The following TEX26 variants were observed in gnomAD, a reference collection of about 807,000 sequenced individuals.
The protein encoded by TEX26 is testis-expressed protein 26.
In TEX26, 34 loss-of-function variants were observed where a neutral mutation model predicts 35.3. The observed-to-expected ratio is 0.96, with a 90% confidence interval of 0.73 to 1.28. The LOEUF is 1.28. Among genes scored for constraint, TEX26 ranks in the 50% most tolerant of loss-of-function variants. The pLI is 0.00. For missense variants in TEX26, 371 were observed against 330.1 expected, an observed-to-expected ratio of 1.12 and a Z score of -0.96; for synonymous variants, 136 against 111.8, an observed-to-expected ratio of 1.22 and a Z score of -1.36.
intron 5 of TEX26, among the ~76,000 whole-genome samples, chr13:30,967,356 G>A (rs1474593358): frequency 1.3e-5 from 2 of 152,092 alleles, no homozygotes; most frequent in Non-Finnish European, 2.9e-5. Context: ...CCTTGCCAAG[G>A]GGTGACAGTG....
rs34650841 is a variant in TEX26 at position 30,952,648 on chromosome 13, GT to G, written c.147-5del. 11 of 1,560,410 alleles carry G rather than the reference GT, an allele frequency of 7.0e-6. No homozygotes were observed. The Admixed American group carries it at 8.2e-5, about 12-fold the overall frequency. Reference sequence around the variant, plus strand: ...AACCTCTAACTCTAATTTCTGCTGGGTTTTTTTATAGCCAAAACGGTATCAG... The same window carrying G: ...AACCTCTAACTCTAATTTCTGCTGGGTTTTTTATAGCCAAAACGGTATCAG... On this transcript the variant is annotated splice_polypyrimidine_tract_variant and intron_variant, in intron 2 of 6. Transcript: ENST00000380473.
At chr13:30,955,177 A>C (rs1192106090) in intron 3 of TEX26, among the ~76,000 whole-genome samples, 1 of 152,218 alleles carries the variant, frequency 6.6e-6, no homozygotes, top group African/African-American at 2.4e-5. Context: ...ATGAGCTTTA[A>C]AAAATGAAAT....
At chr13:30,971,327 A>G (rs1421460162) in intron 6 of TEX26, among the ~76,000 whole-genome samples, 1 of 152,214 alleles carries the variant, frequency 6.6e-6, no homozygotes, top group Non-Finnish European at 1.5e-5. Context: ...GTTAGGCAGA[A>G]TTATTATCAA....
intron 4 of TEX26, among the ~76,000 whole-genome samples, chr13:30,964,392 T>C (rs989172180): frequency 4.6e-5 from 7 of 152,210 alleles, no homozygotes; most frequent in African/African-American, 1.7e-4. Context: ...CCCTACCTGT[T>C]TGTTCTGTAG....
intron 4 of TEX26, among the ~76,000 whole-genome samples, chr13:30,960,778 T>C (rs1330269084): frequency 6.6e-6 from 1 of 152,226 alleles, no homozygotes; most frequent in South Asian, 2.1e-4. Context: ...AGTGTCTTAA[T>C]GGTCTAATGA....
At chr13:30,963,111 A>C (rs1432679567) in intron 4 of TEX26, among the ~76,000 whole-genome samples, 2 of 152,076 alleles carry the variant, frequency 1.3e-5, no homozygotes, top group African/African-American at 4.8e-5. Context: ...TGCAGGCATG[A>C]GCCACCGTGC....
At chr13:30,947,183 G>A (rs1953742130) in intron 2 of TEX26, among the ~76,000 whole-genome samples, 1 of 152,078 alleles carries the variant, frequency 6.6e-6, no homozygotes, top group Non-Finnish European at 1.5e-5. Context: ...TCATAATTAT[G>A]AAATACAAAA....
At chr13:30,952,275 G>C (rs1953956255) in intron 2 of TEX26, among the ~76,000 whole-genome samples, 1 of 151,926 alleles carries the variant, frequency 6.6e-6, no homozygotes, top group Non-Finnish European at 1.5e-5. Flanking sequence ...CTTGAAACTA[G>C]TGATATTTCA....
chr13:30,965,095 C>T (rs923869585), intron 4 of TEX26, among the ~76,000 whole-genome samples: 1 of 152,126 alleles, frequency 6.6e-6, no homozygotes, highest in Admixed American at 6.5e-5. Context: ...CCCTCTATAA[C>T]CTGTCTTCTG....
chr13:30,944,355 T>C (rs998300398), intron 2 of TEX26, among the ~76,000 whole-genome samples: 1 of 152,046 alleles, frequency 6.6e-6, no homozygotes, highest in Non-Finnish European at 1.5e-5. Context: ...TCTTCTTTTC[T>C]TGGTTAATCT....
chr13:30,943,225 G>A (rs1201175134), intron 2 of TEX26, among the ~76,000 whole-genome samples: 1 of 151,962 alleles, frequency 6.6e-6, no homozygotes, highest in African/African-American at 2.4e-5. Flanking sequence ...CCTTGGTTAA[G>A]TATATTCCTG....
chr13:30,956,790 T>C (rs1954148557), intron 3 of TEX26, 83 bp from the exon 4 acceptor site: 1 of 1,269,876 alleles, frequency 7.9e-7, no homozygotes. Flanking sequence ...TTCTGAAGAA[T>C]ATGTGCACAC....
At chr13:30,945,022 T>C (rs1953650956) in intron 2 of TEX26, among the ~76,000 whole-genome samples, 1 of 152,056 alleles carries the variant, frequency 6.6e-6, no homozygotes, top group Admixed American at 6.6e-5. Flanking sequence ...CAATGATCTG[T>C]CTAGTGCTGT....
intron 2 of TEX26, among the ~76,000 whole-genome samples, chr13:30,949,828 T>C (rs1231934899): frequency 1.3e-5 from 2 of 152,180 alleles, no homozygotes; most frequent in African/African-American, 4.8e-5. Flanking sequence ...ACAATTTTAT[T>C]AATTTCATCA....
intron 2 of TEX26, among the ~76,000 whole-genome samples, chr13:30,945,101 A>C (rs1953654168): frequency 6.6e-6 from 1 of 151,874 alleles, no homozygotes; most frequent in African/African-American, 2.4e-5. Context: ...TCTAGTAGTA[A>C]ATATTTTATG....
chr13:30,957,189 C>A (rs770630354), intron 4 of TEX26, among the ~76,000 whole-genome samples, 160 bp downstream of exon 4: 1 of 152,070 alleles, frequency 6.6e-6, no homozygotes, highest in African/African-American at 2.4e-5. Flanking sequence ...TAAAAAGGTG[C>A]ACCTTGTGGG....
intron 2 of TEX26, among the ~76,000 whole-genome samples, chr13:30,947,936 G>A (rs1027600401): frequency 2.0e-5 from 3 of 151,650 alleles, no homozygotes; most frequent in African/African-American, 7.3e-5. Flanking sequence ...TCCTCTTCCT[G>A]TGTCCATGTG....
intron 1 of TEX26, among the ~76,000 whole-genome samples, chr13:30,935,533 G>A (rs61947593): frequency 0.019 from 2,829 of 152,346 alleles, 38 homozygotes; most frequent in African/African-American, 0.038. Flanking sequence ...CTGTAGAGGA[G>A]TATGCTCTCT....
chr13:30,941,889 C>G (rs1953527427), intron 2 of TEX26, among the ~76,000 whole-genome samples: 1 of 152,082 alleles, frequency 6.6e-6, no homozygotes, highest in Non-Finnish European at 1.5e-5. Flanking sequence ...ATACACACCA[C>G]TTTTTTTAAA....
Sources: allele counts gnomAD v4.1 joint callset (sites outside exome capture counted in the v4.1 genomes callset), GRCh38; gene constraint gnomAD v4.1.1; transcripts MANE v1.5; gene names NCBI Gene and HGNC (gene_info 2026-07-23, HGNC 2026-07-21).